EPN3: variants seen among roughly 807,000 people sequenced by gnomAD.
The protein encoded by EPN3 is epsin-3.
A neutral mutation model predicts 55.5 loss-of-function variants in EPN3; 56 were observed. The ratio of observed to expected loss-of-function variants is 1.01; its 90% CI spans 0.81 to 1.26. The LOEUF is 1.26. Among genes scored for constraint, EPN3 ranks in the 50% most tolerant of loss-of-function variants. EPN3 has a pLI of 0.00. For synonymous variants in EPN3, 449 were observed against 375.2 expected (o/e 1.20, Z -2.27); for missense variants, 927 against 853.4 (o/e 1.09, Z -1.07).
chr17:50,542,155 T>TGAGCC lies in EPN3; in HGVS notation c.1898_*3dup. ...GCAGACCGGCACCAACCCCTTCCTC[T>TGAGCC]GAGCCCCGCCCCGTCCCATACCGGC... On this transcript the variant is annotated frameshift_variant and stop_retained_variant, in exon 10 of 10. Coordinates refer to ENST00000268933, the MANE Select transcript of EPN3 (RefSeq NM_017957.3). LOFTEE classifies it high-confidence loss of function. 2.0e-6 allele frequency: 3 copies of TGAGCC among 1,496,374 alleles called. No individual in the cohort carries two copies. The highest frequency in any genetic ancestry group is 2.8e-5 in the East Asian group (1 of 36,110). The allele number at this position is 1,496,374 out of a possible 1,614,324, so 92.7% of individuals were successfully genotyped here. A position where few individuals can be genotyped will look rare whatever the true frequency, so the allele number is the denominator to read the frequency against.
At position 50,532,842 on chromosome 17, in the gene EPN3, C is replaced by A; in HGVS notation, c.-280C>A. 8.0e-7 allele frequency: 1 copy of A among 1,253,702 alleles called. No individual in the cohort carries two copies. The highest frequency in any genetic ancestry group is 1.0e-6 in the Non-Finnish European group (1 of 959,706). The allele number at this position is 1,253,702 out of a possible 1,614,324, so 77.7% of individuals were successfully genotyped here. On this transcript the variant is annotated 5_prime_UTR_variant, in exon 1 of 10. Transcript: ENST00000268933. ...CTGAGGGGTCTGCACCTCCTGGGAG[C>A]AGGTGGGTCTCTGGGACGAGGGTCC...
chr17:50,533,988 T>C (rs1382590077), intron 1 of EPN3, among the ~76,000 whole-genome samples: 1 of 152,238 alleles, frequency 6.6e-6, no homozygotes, highest in East Asian at 1.9e-4. Context: ...TCTGGGCATA[T>C]CGTGTTCGAT....
intron 1 of EPN3, chr17:50,534,757 G>T (rs1380833446): frequency 2.9e-6 from 2 of 680,688 alleles, no homozygotes; most frequent in African/African-American, 2.0e-5. Flanking sequence ...TCAAAGCGTG[G>T]GGCTGCTTTG....
At position 50,543,739 on chromosome 17, in the gene EPN3, T is replaced by G. The variant is rs1283820448; in HGVS notation, c.*1582T>G. On this transcript the variant is annotated 3_prime_UTR_variant, in exon 10 of 10. Coordinates refer to ENST00000268933, the MANE Select transcript of EPN3 (RefSeq NM_017957.3). ...TGCTCTGTGACCTTGAGTAAATTAC[T>G]TACCCTCTCCATGTCTCTGTGCCTG... 6.6e-6 allele frequency: 1 copy of G among 152,240 alleles called. No individual in the cohort carries two copies. The highest frequency in any genetic ancestry group is 1.5e-5 in the Non-Finnish European group (1 of 68,042). 9.4% of individuals were successfully genotyped at this position (152,240 alleles called of 1,614,324 possible).
At chr17:50,539,797 C>T (rs2034820427) in intron 5 of EPN3, among the ~76,000 whole-genome samples, 1 of 152,246 alleles carries the variant, frequency 6.6e-6, no homozygotes, top group Non-Finnish European at 1.5e-5. Context: ...CTGTCCATGC[C>T]ACGCCCGGGT....
At chr17:50,538,682 A>C (rs894326167) in intron 3 of EPN3, 1 of 493,294 alleles carries the variant, frequency 2.0e-6, no homozygotes, top group African/African-American at 2.0e-5. Flanking sequence ...GCGAAAGATC[A>C]GTCTTCCTGA....
Position 50,532,990 on chromosome 17 carries a change from GCTT to G in EPN3, c.-137+7_-137+9del. The G allele has an allele frequency of 7.8e-7, 1 of 1,280,640 alleles. No individual in the cohort carries two copies. The highest frequency in any genetic ancestry group is 1.0e-6 in the Non-Finnish European group (1 of 983,294). 79.3% of individuals were successfully genotyped at this position (1,280,640 alleles called of 1,614,324 possible). ...CCGAGGGAGCCCGCACTGGAGGTAA[GCTT>G]CCTCCCTGGCCCCCTCCCTGGCAGT... On this transcript the variant is annotated splice_donor_region_variant and intron_variant, in intron 1 of 9. Coordinates refer to ENST00000268933, the MANE Select transcript of EPN3 (RefSeq NM_017957.3).
rs1286203326 is a variant in EPN3 at position 50,540,252 on chromosome 17, C to T, written c.897C>T (p.Ser299=). 2 of 1,612,414 alleles carry T rather than the reference C, an allele frequency of 1.2e-6. No individual in the cohort carries two copies. The highest frequency in any genetic ancestry group is 8.5e-7 in the Non-Finnish European group (1 of 1,179,966). ...EEEKLKTSQS[S]ILDLADIFVP... is the part of the protein sequence containing the mutation. ...GCTGCCTCTCCCCTCCACAGTCCTCCATCCTGGACTTGGCTGACATCTTCG... is the reference window on the plus strand; with the variant it reads ...GCTGCCTCTCCCCTCCACAGTCCTCTATCCTGGACTTGGCTGACATCTTCG... Residue 299 remains serine, a synonymous_variant, in exon 6 of 10, where the codon TCC becomes TCT. Coordinates refer to ENST00000268933, the MANE Select transcript of EPN3 (RefSeq NM_017957.3).
chr17:50,533,091 G>A lies in EPN3; in HGVS notation c.-137+106G>A, dbSNP rs534349354. The A allele has an allele frequency of 5.9e-5, 40 of 680,600 alleles. No individual in the cohort carries two copies. The East Asian group carries it at 2.2e-3, about 37-fold the overall frequency. 42.2% of individuals were successfully genotyped at this position (680,600 alleles called of 1,614,324 possible). ...GGCTTAGTCTCTTTTCCAGGTGCGA[G>A]GGAGAAGGCTGAGCTGTAGAGGACC... On this transcript the variant is annotated intron_variant, in intron 1 of 9. Coordinates refer to ENST00000268933, the MANE Select transcript of EPN3 (RefSeq NM_017957.3).
In EPN3 at chr17:50,541,833, T is replaced by C. The variant is rs2034853308; in HGVS notation, c.1586-11T>C. 1.9e-6 allele frequency: 3 copies of C among 1,610,892 alleles called. No homozygotes were observed. The highest frequency in any genetic ancestry group is 2.5e-6 in the Non-Finnish European group (3 of 1,179,968). On this transcript the variant is annotated splice_polypyrimidine_tract_variant and intron_variant, in intron 9 of 9. Transcript: ENST00000268933. Reference sequence around the variant, plus strand: ...AACCCCGGGTCACTCAAAGCCACTCTCGTTCTGCAGGTCTCAGCGCTCCGT... The same window carrying C: ...AACCCCGGGTCACTCAAAGCCACTCCCGTTCTGCAGGTCTCAGCGCTCCGT...
At chr17:50,538,047 G>C in intron 2 of EPN3, 32 bp from the exon 3 acceptor site, 2 of 1,552,514 alleles carry the variant, frequency 1.3e-6, no homozygotes, top group Non-Finnish European at 1.8e-6. Flanking sequence ...ATGGGTAATC[G>C]TGTGGTCACA....
At position 50,536,586 on chromosome 17, in the gene EPN3, G is replaced by A; in HGVS notation, c.30G>A (p.Val10=). Residue 10 remains valine, a synonymous_variant, in exon 2 of 10, where the codon GTG becomes GTA. Coordinates refer to ENST00000268933, the MANE Select transcript of EPN3 (RefSeq NM_017957.3). MTTSALRRQ[V]KNIVHNYSEA... ...CGACCTCCGCACTCCGGCGCCAGGT[G>A]AAGAACATCGTGCACAACTACTCCG... 2 of 1,614,026 alleles carry A rather than the reference G, an allele frequency of 1.2e-6. No individual in the cohort carries two copies. The highest frequency in any genetic ancestry group is 1.7e-6 in the Non-Finnish European group (2 of 1,180,024).
In EPN3 at chr17:50,537,048, G is replaced by A. The variant is rs559884772; in HGVS notation, c.492G>A (p.Gly164=). Residue 164 remains glycine, a synonymous_variant, in exon 2 of 10, where the codon GGG becomes GGA. Transcript: ENST00000268933. ...MALEGIGIGS[G]QLGFSRRYGE... is the part of the protein sequence containing the mutation. ...TGGAGGGCATCGGCATTGGCAGTGG[G>A]CAGCTGGGCTTCAGCCGCCGCTACG... is the stretch of plus-strand genomic sequence containing the variant. 3.2e-5 allele frequency: 51 copies of A among 1,612,186 alleles called. No homozygotes were observed. In the African/African-American group the frequency reaches 4.9e-4, roughly 16 times the overall value.
At position 50,538,984 on chromosome 17, in the gene EPN3, G is replaced by A; in HGVS notation, c.762+20G>A. On this transcript the variant is annotated intron_variant, in intron 4 of 9. Transcript: ENST00000268933. ...GAGAAGGTAGTGGGCCGAGCCCGCT[G>A]GGCTGCCGGTGCTGCTGCTGCTGCT... 6.3e-7 allele frequency: 1 copy of A among 1,582,648 alleles called. No individual in the cohort carries two copies. The highest frequency in any genetic ancestry group is 1.8e-5 in the Admixed American group (1 of 56,332).
In EPN3 at chr17:50,540,873, G is replaced by C. The variant is rs1362425771; in HGVS notation, c.1060G>C (p.Val354Leu). 1 of 1,614,132 alleles carries C rather than the reference G, an allele frequency of 6.2e-7. No homozygotes were observed. Among genetic ancestry groups the C allele is most frequent in the Non-Finnish European group, 8.5e-7 (1 of 1,179,998 alleles). ...DPWSPIPSGT[V>L]LSRSQPWDLT... ...CTGGTCTCCGATCCCCTCAGGAACC[G>C]TCCTGTCCCGAAGCCAGCCCTGGGA... Residue 354 changes from valine to leucine, a missense_variant, in exon 7 of 10, where the codon GTC becomes CTC. Val to Leu is a conservative substitution (Grantham distance 32). Transcript: ENST00000268933.
chr17:50,538,290 C>T, intron 3 of EPN3, 93 bp downstream of exon 3: 1 of 948,016 alleles, frequency 1.1e-6, no homozygotes, highest in South Asian at 1.5e-5. Context: ...GGCTCTGTCA[C>T]CCAAAGCCCC....
chr17:50,534,524 C>T (rs915899173), intron 1 of EPN3: 135 of 985,464 alleles, frequency 1.4e-4, no homozygotes, highest in Non-Finnish European at 7.1e-5. Context: ...CCCCCAGCCA[C>T]GGGTTGGGGA....
chr17:50,539,049 G>A, intron 4 of EPN3, 85 bp downstream of exon 4: 1 of 1,536,136 alleles, frequency 6.5e-7, no homozygotes, highest in Non-Finnish European at 8.8e-7. Flanking sequence ...TCCTCCCGCT[G>A]TACCCGGTGG....
At chr17:50,536,346 C>T in intron 1 of EPN3, 75 bp from the exon 2 acceptor site, 2 of 1,287,720 alleles carry the variant, frequency 1.6e-6, no homozygotes, top group Non-Finnish European at 2.1e-6. Context: ...GGCCAGGCCT[C>T]ATTTAGTTGG....
Sources: allele counts gnomAD v4.1 joint callset (sites outside exome capture counted in the v4.1 genomes callset), GRCh38; gene constraint gnomAD v4.1.1; transcripts MANE v1.5; gene names NCBI Gene and HGNC (gene_info 2026-07-23, HGNC 2026-07-21).